The following DNAH5 variants were observed in gnomAD, a reference collection of about 807,000 sequenced individuals.
DNAH5 encodes the protein axonemal beta dynein heavy chain 5.
DNAH5 carries 372 observed loss-of-function variants against 518.2 expected under a neutral mutation model. The ratio of observed to expected loss-of-function variants is 0.72; its 90% CI spans 0.66 to 0.78. The LOEUF (loss-of-function observed/expected upper bound fraction) is 0.78, where lower values mean the gene tolerates loss of function less well. Among genes scored for constraint, DNAH5 ranks in the 30% least tolerant of loss-of-function variants. DNAH5 has a pLI of 0.00. For synonymous variants in DNAH5, 2,039 were observed against 2,025.9 expected (o/e 1.01, Z -0.17); for missense variants, 5,523 against 5,687.0 (o/e 0.97, Z 0.93).
Position 13,691,735 on chromosome 5 carries a change from A to T in DNAH5, c.*249T>A. On this transcript the variant is annotated 3_prime_UTR_variant, in exon 79 of 79. Coordinates refer to ENST00000265104, the MANE Select transcript of DNAH5 (RefSeq NM_001369.3). ...ATACTACTGTGGATTTGAGGGCCAC[A>T]CTTCATTAGGATGCTGTAAATTTAC... is the stretch of plus-strand genomic sequence containing the variant. 1 of 495,592 alleles carries T rather than the reference A, an allele frequency of 2.0e-6. No individual in the cohort carries two copies. Among genetic ancestry groups the T allele is most frequent in the Non-Finnish European group, 3.6e-6 (1 of 274,726 alleles). The allele number at this position is 495,592 out of a possible 1,614,324, so 30.7% of individuals were successfully genotyped here.
intron 2 of DNAH5, among the ~76,000 whole-genome samples, chr5:13,930,246 T>C (rs1372842544): frequency 6.6e-6 from 1 of 152,156 alleles, no homozygotes; most frequent in Non-Finnish European, 1.5e-5. Flanking sequence ...GGATATCCAA[T>C]GGATCATAAC....
At chr5:13,787,502 C>T (rs376067812) in intron 51 of DNAH5, among the ~76,000 whole-genome samples, 2 of 152,124 alleles carry the variant, frequency 1.3e-5, no homozygotes, top group East Asian at 3.9e-4. Flanking sequence ...TAATCAAATT[C>T]CAGTAGTCAC....
intron 47 of DNAH5, among the ~76,000 whole-genome samples, chr5:13,806,699 T>G (rs1049648520): frequency 6.6e-5 from 10 of 152,192 alleles, no homozygotes; most frequent in African/African-American, 2.4e-4. Context: ...ACATTTAGGA[T>G]TTCCTCCTCA....
At chr5:13,713,806 C>A (rs1475815838) in intron 75 of DNAH5, among the ~76,000 whole-genome samples, 1 of 151,718 alleles carries the variant, frequency 6.6e-6, no homozygotes, top group Non-Finnish European at 1.5e-5. Flanking sequence ...ACTCATGTAA[C>A]CAAATACCAC....
At chr5:13,721,840 G>T (rs1745096348) in intron 70 of DNAH5, among the ~76,000 whole-genome samples, 1 of 152,066 alleles carries the variant, frequency 6.6e-6, no homozygotes, top group Non-Finnish European at 1.5e-5. Flanking sequence ...CACAGATTTT[G>T]TCAACTTTAT....
chr5:13,948,053 C>T (rs1205002467), upstream of DNAH5, among the ~76,000 whole-genome samples: 1 of 152,194 alleles, frequency 6.6e-6, no homozygotes, highest in Non-Finnish European at 1.5e-5. Flanking sequence ...CACCACAAGG[C>T]CACAACAATA....
chr5:13,967,167 G>T (rs1444395101), intron 1 of DNAH5, among the ~76,000 whole-genome samples: 14 of 152,144 alleles, frequency 9.2e-5, no homozygotes, highest in Non-Finnish European at 1.6e-4. Context: ...TGGCCTAGAA[G>T]CTTTTTGGTT....
chr5:13,820,820 G>A lies in DNAH5; in HGVS notation c.6688-321C>T, dbSNP rs191004173. On this transcript the variant is annotated intron_variant, in intron 40 of 78. Coordinates refer to ENST00000265104, the MANE Select transcript of DNAH5 (RefSeq NM_001369.3). ...AGCCTGGGCAACAGAGCAATACTCCGTCTCAAAAAAAAAAAAAAAAAAAAC... is the reference window on the plus strand; with the variant it reads ...AGCCTGGGCAACAGAGCAATACTCCATCTCAAAAAAAAAAAAAAAAAAAAC... 0.018 allele frequency among the ~76,000 whole-genome samples: 1,216 copies of A among 68,718 alleles called. 18 individuals carry two copies. Among genetic ancestry groups the A allele is most frequent in the African/African-American group, 0.07 (1,160 of 16,506 alleles). 45.1% of individuals were successfully genotyped at this position (68,718 alleles called of 152,430 possible). A position where few individuals can be genotyped will look rare whatever the true frequency, so the allele number is the denominator to read the frequency against.
intron 38 of DNAH5, among the ~76,000 whole-genome samples, chr5:13,828,455 T>A (rs1763206078): frequency 6.6e-6 from 1 of 152,226 alleles, no homozygotes; most frequent in South Asian, 2.1e-4. Flanking sequence ...CTCCTGGTGG[T>A]CATGTCCTTA....
intron 1 of DNAH5, among the ~76,000 whole-genome samples, chr5:13,999,168 G>A (rs867396610): frequency 2.6e-5 from 4 of 152,182 alleles, no homozygotes; most frequent in Non-Finnish European, 5.9e-5. Flanking sequence ...CACGATGACC[G>A]GCCTGCCATT....
intron 1 of DNAH5, among the ~76,000 whole-genome samples, chr5:13,974,914 A>C (rs1782130901): frequency 1.3e-5 from 2 of 152,184 alleles, no homozygotes; most frequent in South Asian, 4.1e-4. Context: ...TGGTAAGGCC[A>C]GGGCAGCCCT....
chr5:13,919,385 G>C, intron 6 of DNAH5, 33 bp from the exon 7 acceptor site: 1 of 1,611,090 alleles, frequency 6.2e-7, no homozygotes, highest in East Asian at 2.2e-5. Flanking sequence ...ACGAGCCATT[G>C]CACGGGGCTG....
At chr5:13,851,208 T>A (rs1330961941) in intron 30 of DNAH5, among the ~76,000 whole-genome samples, 4 of 152,134 alleles carry the variant, frequency 2.6e-5, no homozygotes, top group Non-Finnish European at 5.9e-5. Flanking sequence ...AGAAAAAATA[T>A]TTAAAAATAA....
rs979841998 is a variant in DNAH5, at chr5:13,882,936, C to T, written c.3142G>A (p.Val1048Ile). 6.2e-7 allele frequency: 1 copy of T among 1,614,166 alleles called. No homozygotes were observed. The highest frequency in any genetic ancestry group is 1.3e-5 in the African/African-American group (1 of 75,040). The change falls in exon 20 of 79, where the codon GTC becomes ATC. Residue 1048 changes from valine to isoleucine, a missense_variant. By Grantham distance (29) the Val-to-Ile change is conservative (BLOSUM62 3). Around this residue, in one of 3 missense-constraint regions of DNAH5, gnomAD observed 5,121 missense variants for 5,223.3 expected, o/e 0.98. Transcript: ENST00000265104. ...AACAGTTCACTGCTCCACTGTCTGA[C>T]CCCCTTAGGGACACTGATGATGCAC... ...VECIISVPKG[V>I]RQWSSELLSK...
intron 47 of DNAH5, among the ~76,000 whole-genome samples, chr5:13,795,970 G>A (rs1757757208): frequency 1.3e-5 from 2 of 152,176 alleles, no homozygotes; most frequent in Non-Finnish European, 2.9e-5. Flanking sequence ...CTCAATAGAT[G>A]CAGAAAAGGC....
rs77541151 is a variant in DNAH5 at position 13,727,500 on chromosome 5, T to G, written c.12033+7A>C. The stretch of plus-strand genomic sequence containing the variant: ...TCTCATTTTTCTCTTTAATATGGAC[T>G]TTTTACCTGGGCGATGGTTCTGTCA... On this transcript the variant is annotated splice_region_variant and intron_variant, in intron 70 of 78. Transcript: ENST00000265104. 4.8e-5 allele frequency: 77 copies of G among 1,611,696 alleles called. 3 individuals carry two copies. The highest frequency in any genetic ancestry group is 4.5e-4 in the East Asian group (20 of 44,790).
At chr5:13,808,533 G>C (rs1232505998) in intron 46 of DNAH5, among the ~76,000 whole-genome samples, 2 of 152,184 alleles carry the variant, frequency 1.3e-5, no homozygotes, top group African/African-American at 4.8e-5. Flanking sequence ...TCATACATAA[G>C]AAATAATTAC....
At chr5:13,940,721 G>T (rs1030991247) in intron 1 of DNAH5, among the ~76,000 whole-genome samples, 1 of 152,112 alleles carries the variant, frequency 6.6e-6, no homozygotes, top group Non-Finnish European at 1.5e-5. Context: ...TAGTATGACC[G>T]AGTTCTCACT....
intron 72 of DNAH5, among the ~76,000 whole-genome samples, 162 bp from the exon 73 acceptor site, chr5:13,717,682 G>T (rs1179765481): frequency 6.6e-6 from 1 of 152,150 alleles, no homozygotes; most frequent in Non-Finnish European, 1.5e-5. Context: ...ACTTTTGGGT[G>T]TCCAGAGGCC....
Sources: gnomAD v4.1 joint callset for allele counts (sites outside exome capture counted in the v4.1 genomes callset) on GRCh38, gnomAD v4.1.1 for gene constraint, gnomAD v4.1.1 regional missense constraint, MANE v1.5 for transcripts, NCBI Gene and HGNC (gene_info 2026-07-23, HGNC 2026-07-21) for gene names.